CFAP20DC: variants seen among roughly 807,000 people sequenced by gnomAD.
CFAP20DC encodes the protein protein CFAP20DC.
CFAP20DC carries 84 observed loss-of-function variants against 101.7 expected under a neutral mutation model. The ratio of observed to expected loss-of-function variants is 0.83; its 90% CI spans 0.69 to 0.99. CFAP20DC has a LOEUF of 0.99. CFAP20DC is among the 50% of genes least tolerant of loss of function. The probability of loss-of-function intolerance (pLI) is 0.00; values close to 1 mark genes in which losing one functional copy is unlikely to be tolerated. For missense variants in CFAP20DC, 1,007 were observed against 970.3 expected (o/e 1.04, Z -0.50); for synonymous variants, 359 against 351.2 (o/e 1.02, Z -0.25).
intron 4 of CFAP20DC, among the ~76,000 whole-genome samples, chr3:59,005,764 C>T (rs533420309): frequency 1.3e-5 from 2 of 152,152 alleles, no homozygotes; most frequent in African/African-American, 4.8e-5. Flanking sequence ...TCTTAGTCTT[C>T]TTTGGTGGTC....
chr3:58,974,909 T>C (rs967699266), intron 4 of CFAP20DC, among the ~76,000 whole-genome samples: 7 of 152,124 alleles, frequency 4.6e-5, no homozygotes, highest in Non-Finnish European at 8.8e-5. Flanking sequence ...CACTGGACAC[T>C]CTCCTCTGTA....
At position 59,007,875 on chromosome 3, in the gene CFAP20DC, G is replaced by C. The variant is rs115723786; in HGVS notation, c.278+31682C>G. Among the ~76,000 whole-genome samples the C allele has an allele frequency of 6.6e-6, 1 of 152,188 alleles. No homozygotes were observed. The highest frequency in any genetic ancestry group is 1.5e-5 in the Non-Finnish European group (1 of 68,034). On this transcript the variant is annotated intron_variant, in intron 4 of 16. Transcript: ENST00000482387. The surrounding 1 kb of genome is among the most constrained non-coding windows in gnomAD (Gnocchi z 4.4). ...AAAAAACTCTGAACAGCAGGACTTG[G>C]GTTTCAGATCTTTCCACTGGTAGGT...
chr3:58,718,650 C>T (rs897531693), intron 3 of CFAP20DC, among the ~76,000 whole-genome samples: 1 of 152,238 alleles, frequency 6.6e-6, no homozygotes, highest in African/African-American at 2.4e-5. Context: ...GAAGCCTCAC[C>T]TCAGCCTCTC....
intron 4 of CFAP20DC, among the ~76,000 whole-genome samples, chr3:58,992,855 G>A (rs1045999155): frequency 2.6e-5 from 4 of 151,836 alleles, no homozygotes; most frequent in African/African-American, 7.3e-5. Flanking sequence ...CAAAAAAGGG[G>A]AAAGCTTATT....
At chr3:58,761,057 G>T (rs536894404) in intron 15 of CFAP20DC, among the ~76,000 whole-genome samples, 2 of 152,214 alleles carry the variant, frequency 1.3e-5, no homozygotes, top group Non-Finnish European at 2.9e-5. Context: ...CATAAAATGA[G>T]TTAGGGAGGA....
intron 4 of CFAP20DC, among the ~76,000 whole-genome samples, chr3:58,995,625 T>C (rs1269128231): frequency 6.6e-6 from 1 of 152,124 alleles, no homozygotes; most frequent in Non-Finnish European, 1.5e-5. Flanking sequence ...TTTGGGTGTA[T>C]CTGTGAAGGT....
At chr3:59,047,293 C>T (rs925678484) in intron 1 of CFAP20DC, 39 bp from the exon 2 acceptor site, 5 of 1,345,726 alleles carry the variant, frequency 3.7e-6, no homozygotes, top group South Asian at 1.3e-5. Flanking sequence ...ACAATGCTAA[C>T]GAGGAAGTAT....
intron 12 of CFAP20DC, among the ~76,000 whole-genome samples, chr3:58,854,726 G>A (rs1326367746): frequency 2.0e-5 from 3 of 151,400 alleles, no homozygotes; most frequent in Non-Finnish European, 3.0e-5. Flanking sequence ...AGAAAAACAA[G>A]CAATGGGGAA....
chr3:58,875,692 G>A (rs1332948358), intron 7 of CFAP20DC, among the ~76,000 whole-genome samples: 1 of 152,134 alleles, frequency 6.6e-6, no homozygotes, highest in Non-Finnish European at 1.5e-5. Flanking sequence ...GGCACAGTAG[G>A]TACCTCCATC....
chr3:59,008,937 C>T (rs1486278298), intron 4 of CFAP20DC, among the ~76,000 whole-genome samples: 1 of 151,964 alleles, frequency 6.6e-6, no homozygotes, highest in African/African-American at 2.4e-5. Context: ...AGATAAGCTT[C>T]AAGAGATCCC....
At chr3:58,786,318 A>T (rs559692439) in intron 15 of CFAP20DC, among the ~76,000 whole-genome samples, 14 of 152,274 alleles carry the variant, frequency 9.2e-5, no homozygotes, top group Admixed American at 2.6e-4. Flanking sequence ...TATCAAAAAC[A>T]CAGAGTCTCT....
chr3:59,037,893 T>C (rs946703481), intron 4 of CFAP20DC, among the ~76,000 whole-genome samples: 3 of 152,154 alleles, frequency 2.0e-5, no homozygotes, highest in East Asian at 1.9e-4. Context: ...CCGTCAATGA[T>C]AGACTGGATA....
intron 4 of CFAP20DC, among the ~76,000 whole-genome samples, chr3:59,004,058 T>C (rs574740275): frequency 1.3e-5 from 2 of 152,286 alleles, no homozygotes; most frequent in South Asian, 4.2e-4. Context: ...TGTAAATACT[T>C]TCAAATAGGG....
chr3:58,887,464 T>C (rs557989048), intron 6 of CFAP20DC: 1 of 152,242 alleles, frequency 6.6e-6, no homozygotes, highest in Non-Finnish European at 1.5e-5. Context: ...ATGAAAACTT[T>C]AGCTTAGCGG....
chr3:58,783,280 C>T (rs1160599762), intron 15 of CFAP20DC, among the ~76,000 whole-genome samples: 2 of 151,856 alleles, frequency 1.3e-5, no homozygotes, highest in African/African-American at 2.4e-5. Context: ...AAAATCAACT[C>T]AAGATGGATT....
At chr3:58,890,430 G>C (rs1394112817) in intron 6 of CFAP20DC, among the ~76,000 whole-genome samples, 2 of 142,542 alleles carry the variant, frequency 1.4e-5, no homozygotes, top group Non-Finnish European at 3.1e-5. Flanking sequence ...CTGGCCGGGC[G>C]GGGGGGCTGA....
intron 4 of CFAP20DC, among the ~76,000 whole-genome samples, chr3:58,976,091 T>C (rs180842568): frequency 6.6e-6 from 1 of 152,358 alleles, no homozygotes; most frequent in African/African-American, 2.4e-5. Context: ...AAGCAACCTT[T>C]GACTTCACTT....
intron 5 of CFAP20DC, among the ~76,000 whole-genome samples, chr3:58,931,926 ATGACTT>A (rs1312970104): frequency 6.6e-6 from 1 of 152,256 alleles, no homozygotes. Flanking sequence ...TGGACGGAGA[ATGACTT>A]TGACGAGTTG....
intron 15 of CFAP20DC, among the ~76,000 whole-genome samples, chr3:58,776,604 G>A (rs1379618538): frequency 6.7e-6 from 1 of 149,314 alleles, no homozygotes; most frequent in Non-Finnish European, 1.5e-5. Flanking sequence ...ATATAAGCTA[G>A]AATTCAAAGC....
Sources: allele counts gnomAD v4.1 joint callset (sites outside exome capture counted in the v4.1 genomes callset), GRCh38; gene constraint gnomAD v4.1.1; non-coding constraint Gnocchi (gnomAD v3.1); transcripts MANE v1.5; gene names NCBI Gene and HGNC (gene_info 2026-07-23, HGNC 2026-07-21).